CCDC73: variants seen among roughly 807,000 people sequenced by gnomAD.
The protein encoded by CCDC73 is coiled-coil domain-containing protein 73.
In CCDC73, 95 loss-of-function variants were observed where a neutral mutation model predicts 116.5. That is an observed-to-expected ratio of 0.82 (90% CI 0.69 to 0.97). The LOEUF is 0.97. Ranked by LOEUF, CCDC73 falls within the 50% of genes least tolerant of loss-of-function variation. The pLI is 0.00. For missense variants in CCDC73, 1,066 were observed against 1,206.8 expected (o/e 0.88, Z 1.73); for synonymous variants, 398 against 401.3 (o/e 0.99, Z 0.10).
intron 3 of CCDC73, among the ~76,000 whole-genome samples, chr11:32,706,461 C>T (rs560266071): frequency 2.0e-5 from 3 of 152,220 alleles, no homozygotes; most frequent in South Asian, 2.1e-4. Flanking sequence ...GTTCCCACTG[C>T]GGTCATCAAG....
In CCDC73 at chr11:32,613,716, A is replaced by C; in HGVS notation, c.2602T>G (p.Ser868Ala). 1 of 1,614,130 alleles carries C rather than the reference A, an allele frequency of 6.2e-7. No homozygotes were observed. Among genetic ancestry groups the C allele is most frequent in the East Asian group, 2.2e-5 (1 of 44,874 alleles). The change falls in exon 16 of 18, where the codon TCA (serine) becomes GCA (alanine). Residue 868 changes from serine to alanine, a missense_variant. Transcript: ENST00000335185. ...TCTCCAGATGGCTCTATGTGAAATG[A>C]ATGTGATTCCTCCAGCTGTCCTTCA... ...FSEGQLEESH[S>A]FHIEPSGDLV...
chr11:32,668,463 A>G (rs1856007848), intron 9 of CCDC73, among the ~76,000 whole-genome samples: 1 of 152,188 alleles, frequency 6.6e-6, no homozygotes, highest in Non-Finnish European at 1.5e-5. Context: ...CATGATATAA[A>G]GAAAAATGCG....
rs190276041 is a variant in CCDC73 at position 32,752,505 on chromosome 11, T to A, written c.135+7604A>T. Among the ~76,000 whole-genome samples the A allele has an allele frequency of 2.6e-5, 4 of 152,346 alleles. No individual in the cohort carries two copies. The East Asian group carries it at 7.7e-4, about 29-fold the overall frequency. ...ACTGAATTTCTATCCATTATCTATATTAATTTACATCAAAAAGGAAAAAAT... is the reference window on the plus strand; with the variant it reads ...ACTGAATTTCTATCCATTATCTATAATAATTTACATCAAAAAGGAAAAAAT... On this transcript the variant is annotated intron_variant, in intron 2 of 17. Coordinates refer to ENST00000335185, the MANE Select transcript of CCDC73 (RefSeq NM_001008391.4).
At chr11:32,714,360 C>A (rs556600732) in intron 3 of CCDC73, among the ~76,000 whole-genome samples, 1 of 152,180 alleles carries the variant, frequency 6.6e-6, no homozygotes, top group South Asian at 2.1e-4. Flanking sequence ...TTGGACATTT[C>A]TTTACTTCAG....
At chr11:32,798,222 C>A (rs1031508511), upstream of CCDC73, among the ~76,000 whole-genome samples, 2 of 152,228 alleles carry the variant, frequency 1.3e-5, no homozygotes, top group African/African-American at 2.4e-5. Flanking sequence ...CTCTAAGATA[C>A]AAATATGACA....
At chr11:32,755,546 T>C (rs1279396963) in intron 2 of CCDC73, among the ~76,000 whole-genome samples, 1 of 131,602 alleles carries the variant, frequency 7.6e-6, no homozygotes, top group Non-Finnish European at 1.6e-5. Flanking sequence ...AATATATATA[T>C]ATATATATAT....
chr11:32,614,765 T>C lies in CCDC73; in HGVS notation c.1553A>G (p.Asp518Gly), dbSNP rs762147548. The C allele has an allele frequency of 1.2e-6, 2 of 1,613,326 alleles. No individual in the cohort carries two copies. The highest frequency in any genetic ancestry group is 4.5e-5 in the East Asian group (2 of 44,788). Residue 518 changes from aspartate to glycine, a missense_variant, in exon 16 of 18, where the codon GAC (aspartate) becomes GGC (glycine). Physicochemically the swap from Asp to Gly is moderately conservative, Grantham distance 94. Transcript: ENST00000335185. ...NRKSVTTEIK[D>G]KICLEKDNGC... ...ATTGTCTTTTTCCAAGCATATCTTGTCTTTTATTTCTGTAGTAACTGATTT... is the reference window on the plus strand; with the variant it reads ...ATTGTCTTTTTCCAAGCATATCTTGCCTTTTATTTCTGTAGTAACTGATTT...
At chr11:32,676,514 T>C (rs2133288406) in intron 7 of CCDC73, among the ~76,000 whole-genome samples, 1 of 152,314 alleles carries the variant, frequency 6.6e-6, no homozygotes. Context: ...TTTTAATTAA[T>C]ATAGTACCTT....
chr11:32,774,057 A>T (rs1379407649), intron 1 of CCDC73, among the ~76,000 whole-genome samples: 1 of 152,116 alleles, frequency 6.6e-6, no homozygotes, highest in East Asian at 1.9e-4. Flanking sequence ...TTCAATGAGA[A>T]GATTTTTACT....
chr11:32,751,311 C>A (rs546289467), intron 2 of CCDC73, among the ~76,000 whole-genome samples: 3 of 152,144 alleles, frequency 2.0e-5, no homozygotes, highest in Non-Finnish European at 2.9e-5. Context: ...CCTTTGCCAC[C>A]CCGACTGGTG....
At chr11:32,656,507 A>C (rs1034552913) in intron 9 of CCDC73, among the ~76,000 whole-genome samples, 1 of 152,170 alleles carries the variant, frequency 6.6e-6, no homozygotes, top group African/African-American at 2.4e-5. Flanking sequence ...TAGTTATCAC[A>C]AAAAAACAAG....
intron 14 of CCDC73, among the ~76,000 whole-genome samples, chr11:32,624,665 C>A (rs1855553931): frequency 6.6e-6 from 1 of 152,162 alleles, no homozygotes; most frequent in South Asian, 2.1e-4. Flanking sequence ...CCAGCAATTC[C>A]ATTACTAGGT....
chr11:32,658,023 T>TAAA (rs11309519), intron 9 of CCDC73, among the ~76,000 whole-genome samples: 1 of 132,956 alleles, frequency 7.5e-6, no homozygotes, highest in Non-Finnish European at 1.6e-5. Context: ...CTAGTCTCTT[T>TAAA]AAAAAAAAAA....
At chr11:32,784,983 G>T (rs1368052354) in intron 1 of CCDC73, among the ~76,000 whole-genome samples, 1 of 152,134 alleles carries the variant, frequency 6.6e-6, no homozygotes, top group African/African-American at 2.4e-5. Flanking sequence ...AGACCAGCCT[G>T]GCCAACACGG....
At chr11:32,686,138 A>G (rs1856197548) in intron 6 of CCDC73, among the ~76,000 whole-genome samples, 1 of 140,212 alleles carries the variant, frequency 7.1e-6, no homozygotes, top group Non-Finnish European at 1.5e-5. Context: ...AGGATGATGA[A>G]GGAGGACTAG....
At chr11:32,693,231 C>G (rs533742886) in intron 6 of CCDC73, among the ~76,000 whole-genome samples, 1 of 152,292 alleles carries the variant, frequency 6.6e-6, no homozygotes, top group Admixed American at 6.5e-5. Context: ...AAGTAAGTAA[C>G]TAGCAAACTA....
At chr11:32,660,240 A>C (rs867907965) in intron 9 of CCDC73, among the ~76,000 whole-genome samples, 44 of 150,320 alleles carry the variant, frequency 2.9e-4, no homozygotes, top group Admixed American at 9.2e-4. Context: ...AAAAAAAAAA[A>C]AAAAAAAAAA....
intron 2 of CCDC73, among the ~76,000 whole-genome samples, chr11:32,741,192 T>C (rs916245503): frequency 2.0e-5 from 3 of 151,958 alleles, no homozygotes; most frequent in African/African-American, 4.8e-5. Flanking sequence ...GTTCACTTGG[T>C]CTACAGTACA....
chr11:32,744,358 C>T (rs1398576265), intron 2 of CCDC73, among the ~76,000 whole-genome samples: 1 of 152,032 alleles, frequency 6.6e-6, no homozygotes, highest in East Asian at 1.9e-4. Flanking sequence ...GGGATATTGG[C>T]CTAAAATTCT....
Sources: gnomAD v4.1 joint callset for allele counts (sites outside exome capture counted in the v4.1 genomes callset) on GRCh38, gnomAD v4.1.1 for gene constraint, MANE v1.5 for transcripts, NCBI Gene and HGNC (gene_info 2026-07-23, HGNC 2026-07-21) for gene names.